The following TMEM30A variants were observed in gnomAD, a reference collection of about 807,000 sequenced individuals.
TMEM30A encodes cell cycle control protein 50A.
Under a neutral mutation model 38.2 loss-of-function variants are expected in TMEM30A, and 24 were observed. That is an observed-to-expected ratio of 0.63 (90% confidence interval 0.46 to 0.88). The LOEUF (loss-of-function observed/expected upper bound fraction) is 0.88. Ranked by LOEUF, TMEM30A falls within the 40% of genes least tolerant of loss-of-function variation. The pLI is 0.00. For synonymous variants in TMEM30A, 145 were observed against 161.6 expected (o/e 0.90, Z 0.78); for missense variants, 370 against 458.6 (o/e 0.81, Z 1.77).
Position 75,267,622 on chromosome 6 carries a change from A to G in TMEM30A, c.345+19T>C. On this transcript the variant is annotated intron_variant, in intron 2 of 6. Coordinates refer to ENST00000230461, the MANE Select transcript of TMEM30A (RefSeq NM_018247.4). ...TTTTAAAGCATGGCTTTTCTAGCAC[A>G]TTACTTGGAAACACAGACCTCAAAT... The G allele has an allele frequency of 1.3e-6, 2 of 1,558,164 alleles. No homozygotes were observed. Among genetic ancestry groups the G allele is most frequent in the Non-Finnish European group, 1.8e-6 (2 of 1,134,862 alleles).
chr6:75,254,119 T>C lies in TMEM30A; in HGVS notation c.*1983A>G, dbSNP rs1227374148. 2.0e-5 allele frequency: 3 copies of C among 152,280 alleles called. No individual in the cohort carries two copies. In the East Asian group the frequency reaches 5.8e-4, roughly 29 times the overall value. The allele number at this position is 152,280 out of a possible 1,614,324, so 9.4% of individuals were successfully genotyped here. On this transcript the variant is annotated 3_prime_UTR_variant, in exon 7 of 7. Transcript: ENST00000230461. ...AAACAGGAGGAACTTAGGCCATCAA[T>C]GGACTTGTAAAACAGATAAAACTCC...
chr6:75,264,253 C>T (rs966321066), intron 3 of TMEM30A, among the ~76,000 whole-genome samples: 5 of 152,184 alleles, frequency 3.3e-5, no homozygotes, highest in Admixed American at 6.5e-5. Flanking sequence ...CAACATAGTC[C>T]TAAATTGTAT....
intron 4 of TMEM30A, among the ~76,000 whole-genome samples, chr6:75,259,886 A>G (rs1771933899): frequency 6.6e-6 from 1 of 152,178 alleles, no homozygotes; most frequent in Non-Finnish European, 1.5e-5. Context: ...AGGGCTACTG[A>G]GTCTTTCATA....
chr6:75,258,596 G>A (rs527396415), intron 6 of TMEM30A, among the ~76,000 whole-genome samples, 184 bp downstream of exon 6: 13 of 152,210 alleles, frequency 8.5e-5, no homozygotes, highest in South Asian at 6.2e-4. Context: ...AAGTATATGC[G>A]AATTCAAAAC....
intron 1 of TMEM30A, among the ~76,000 whole-genome samples, chr6:75,272,099 T>G (rs1414944043): frequency 6.6e-6 from 1 of 152,230 alleles, no homozygotes; most frequent in Non-Finnish European, 1.5e-5. Flanking sequence ...GAAGGTAAAC[T>G]GGACCCAAAA....
At chr6:75,282,590 A>C (rs1264641074) in intron 1 of TMEM30A, among the ~76,000 whole-genome samples, 1 of 152,176 alleles carries the variant, frequency 6.6e-6, no homozygotes, top group Non-Finnish European at 1.5e-5. Context: ...TTGCAGTAAA[A>C]GGATCTTAGT....
chr6:75,263,860 C>T (rs1772015661), intron 3 of TMEM30A, among the ~76,000 whole-genome samples: 1 of 152,138 alleles, frequency 6.6e-6, no homozygotes, highest in Admixed American at 6.5e-5. Flanking sequence ...AGAAAAGAAT[C>T]AGTTTCAGTT....
At chr6:75,279,190 C>T (rs918574361) in intron 1 of TMEM30A, among the ~76,000 whole-genome samples, 21 of 152,118 alleles carry the variant, frequency 1.4e-4, no homozygotes, top group African/African-American at 5.1e-4. Context: ...CAGAGATGCA[C>T]TTTGAAGAAA....
At chr6:75,276,866 C>A (rs1772268432) in intron 1 of TMEM30A, among the ~76,000 whole-genome samples, 1 of 152,118 alleles carries the variant, frequency 6.6e-6, no homozygotes, top group Non-Finnish European at 1.5e-5. Context: ...CCATATTGGC[C>A]TCTTTGTTGT....
intron 2 of TMEM30A, among the ~76,000 whole-genome samples, chr6:75,266,471 A>G (rs1276818087): frequency 6.6e-6 from 1 of 152,242 alleles, no homozygotes; most frequent in Admixed American, 6.5e-5. Flanking sequence ...AAACTGAAAA[A>G]GAGATTATTT....
At chr6:75,266,983 A>C (rs899096260) in intron 2 of TMEM30A, among the ~76,000 whole-genome samples, 8 of 152,216 alleles carry the variant, frequency 5.3e-5, no homozygotes, top group Non-Finnish European at 1.0e-4. Context: ...CAGAAAATCT[A>C]AAAAGTTGGC....
Position 75,267,745 on chromosome 6 carries a change from C to T in TMEM30A, c.241G>A (p.Asp81Asn). The change falls in exon 2 of 7, where the codon GAT (aspartate) becomes AAT (asparagine). Residue 81 changes from aspartate (D) to asparagine (N), a missense_variant. By Grantham distance (23) the Asp-to-Asn change is conservative. Transcript: ENST00000230461. The part of the protein sequence containing the change: ...TSNNIREIEI[D>N]YTGTEPSSPC... ...CTGGAAGGCTCTGTTCCGGTATAAT[C>T]AATCTGCAAGAGAAAAATATAACTA... is the stretch of plus-strand genomic sequence containing the variant. 3 of 1,590,454 alleles carry T rather than the reference C, an allele frequency of 1.9e-6. No homozygotes were observed. The highest frequency in any genetic ancestry group is 1.7e-6 in the Non-Finnish European group (2 of 1,168,738).
intron 1 of TMEM30A, among the ~76,000 whole-genome samples, chr6:75,279,118 T>C (rs1401122776): frequency 7.7e-6 from 1 of 130,610 alleles, no homozygotes; most frequent in Non-Finnish European, 1.6e-5. Context: ...CAAAAAGGTG[T>C]GTGGGGGGGT....
Position 75,255,843 on chromosome 6 carries a change from C to T in TMEM30A, c.*259G>A, listed in dbSNP as rs191620539. On this transcript the variant is annotated 3_prime_UTR_variant, in exon 7 of 7. Coordinates refer to ENST00000230461, the MANE Select transcript of TMEM30A (RefSeq NM_018247.4). The stretch of plus-strand genomic sequence containing the variant: ...GGCTCTATGCATCATGTGGCCTGTC[C>T]GAATAAAAAGCAAACATTAGAATGC... 14 of 322,242 alleles carry T rather than the reference C, an allele frequency of 4.3e-5. No homozygotes were observed. Among genetic ancestry groups the T allele is most frequent in the Admixed American group, 4.1e-4 (9 of 22,018 alleles). The allele number at this position is 322,242 out of a possible 1,614,324, so 20.0% of individuals were successfully genotyped here. A position where few individuals can be genotyped will look rare whatever the true frequency, so the allele number is the denominator to read the frequency against.
At chr6:75,276,872 G>T (rs891410175) in intron 1 of TMEM30A, among the ~76,000 whole-genome samples, 3 of 151,938 alleles carry the variant, frequency 2.0e-5, no homozygotes, top group African/African-American at 7.3e-5. Flanking sequence ...TGGCCTCTTT[G>T]TTGTTCCTCA....
chr6:75,277,751 T>A (rs1772286200), intron 1 of TMEM30A, among the ~76,000 whole-genome samples: 1 of 152,012 alleles, frequency 6.6e-6, no homozygotes, highest in Non-Finnish European at 1.5e-5. Flanking sequence ...AGCAAAAATT[T>A]AAAAATTGGC....
chr6:75,253,486 T>A lies in TMEM30A; in HGVS notation c.*2616A>T, dbSNP rs1157678537. Reference sequence around the variant, plus strand: ...GAATTAATTTAACAATGAATTACATTTTATCCCATCCAGGCATGAAGAAGT... The same window carrying A: ...GAATTAATTTAACAATGAATTACATATTATCCCATCCAGGCATGAAGAAGT... On this transcript the variant is annotated 3_prime_UTR_variant, in exon 7 of 7. Transcript: ENST00000230461. The A allele has an allele frequency of 1.3e-5, 2 of 152,570 alleles. No individual in the cohort carries two copies. The highest frequency in any genetic ancestry group is 4.8e-5 in the African/African-American group (2 of 41,444). The allele number at this position is 152,570 out of a possible 1,614,324, so 9.5% of individuals were successfully genotyped here. A position where few individuals can be genotyped will look rare whatever the true frequency, so the allele number is the denominator to read the frequency against.
In TMEM30A at chr6:75,260,920, T is replaced by C. The variant is rs866779400; in HGVS notation, c.454-9A>G. ...CATTCCTTACTGGGATTCTGGTTTT[T>C]ACAAGGAAAAGAAGAGAGAAATTAT... is the stretch of plus-strand genomic sequence containing the variant. On this transcript the variant is annotated splice_polypyrimidine_tract_variant and intron_variant, in intron 3 of 6. Transcript: ENST00000230461. 2.5e-5 allele frequency: 40 copies of C among 1,585,810 alleles called. 3 individuals are homozygous for C. In the Middle Eastern group the frequency reaches 6.0e-3, roughly 239 times the overall value.
chr6:75,264,389 A>G (rs1379883107), intron 3 of TMEM30A, among the ~76,000 whole-genome samples: 1 of 152,128 alleles, frequency 6.6e-6, no homozygotes, highest in Non-Finnish European at 1.5e-5. Context: ...TAATCCCAGC[A>G]CTTTGGAAGG....
Sources: allele counts gnomAD v4.1 joint callset (sites outside exome capture counted in the v4.1 genomes callset), GRCh38; gene constraint gnomAD v4.1.1; transcripts MANE v1.5; gene names NCBI Gene and HGNC (gene_info 2026-07-23, HGNC 2026-07-21).